ABI2: variants seen among roughly 807,000 people sequenced by gnomAD.
The protein encoded by ABI2 is abl interactor 2, also known as abelson interactor 2.
In ABI2, 25 loss-of-function variants were observed where a neutral mutation model predicts 59.2. That is an observed-to-expected ratio of 0.42 (90% confidence interval 0.31 to 0.59). The LOEUF (loss-of-function observed/expected upper bound fraction) is 0.59. Ranked by LOEUF, ABI2 falls within the 20% of genes least tolerant of loss-of-function variation. The pLI, the probability that ABI2 is intolerant of heterozygous loss-of-function variation, is 0.14. For synonymous variants in ABI2, 213 were observed against 235.5 expected, an observed-to-expected ratio of 0.90 and a Z score of 0.87; for missense variants, 545 against 681.8, an observed-to-expected ratio of 0.80 and a Z score of 2.23.
chr2:203,403,616 C>T (rs76788415), intron 9 of ABI2, among the ~76,000 whole-genome samples: 214 of 140,764 alleles, frequency 1.5e-3, no homozygotes, highest in African/African-American at 5.2e-3. Context: ...CTTAGAATCA[C>T]GTACAAAATA....
chr2:203,358,014 C>T (rs937003403), intron 1 of ABI2, among the ~76,000 whole-genome samples: 4 of 151,452 alleles, frequency 2.6e-5, no homozygotes, highest in Admixed American at 1.3e-4. Context: ...GTGATCCATC[C>T]GCCTCAGCCT....
At chr2:203,391,812 C>G (rs1313190496) in intron 5 of ABI2, among the ~76,000 whole-genome samples, 1 of 148,586 alleles carries the variant, frequency 6.7e-6, no homozygotes, top group Non-Finnish European at 1.5e-5. Context: ...CAGAGTGAGC[C>G]CCTGTCTCAA....
chr2:203,411,441 T>G, intron 10 of ABI2, 70 bp downstream of exon 10: 1 of 1,181,384 alleles, frequency 8.5e-7, no homozygotes, highest in Non-Finnish European at 1.2e-6. Flanking sequence ...TGTGATTGAC[T>G]GGATAGTCAT....
intron 2 of ABI2, chr2:203,375,805 A>G (rs2095640747): frequency 3.4e-6 from 1 of 296,804 alleles, no homozygotes; most frequent in Non-Finnish European, 6.2e-6. Context: ...AAACCTTAGA[A>G]TCTTCTGGAC....
intron 8 of ABI2, among the ~76,000 whole-genome samples, chr2:203,401,178 T>C (rs2097203142): frequency 1.3e-5 from 2 of 152,162 alleles, no homozygotes; most frequent in South Asian, 4.2e-4. Flanking sequence ...TGGCTTCCTG[T>C]TGGGTTTAGC....
chr2:203,383,543 T>G (rs947314295), intron 4 of ABI2, among the ~76,000 whole-genome samples: 1 of 152,186 alleles, frequency 6.6e-6, no homozygotes, highest in African/African-American at 2.4e-5. Context: ...CCTTAAAGTT[T>G]AGACTAGCTT....
rs1055968422 is a variant in ABI2, at chr2:203,432,142, T to C, written c.*4790T>C. On this transcript the variant is annotated 3_prime_UTR_variant, in exon 12 of 12. Transcript: ENST00000261018. Reference sequence around the variant, plus strand: ...GAATTGTTGCCGTGTACTAAGAACTTGACCTAAATAAAATCCCACAAAGTA... The same window carrying C: ...GAATTGTTGCCGTGTACTAAGAACTCGACCTAAATAAAATCCCACAAAGTA... The C allele has an allele frequency of 6.6e-6, 1 of 152,230 alleles. No individual in the cohort carries two copies. The highest frequency in any genetic ancestry group is 2.4e-5 in the African/African-American group (1 of 41,460). The allele number at this position is 152,230 out of a possible 1,614,324, so 9.4% of individuals were successfully genotyped here.
intron 10 of ABI2, among the ~76,000 whole-genome samples, chr2:203,414,735 A>G (rs2097824252): frequency 6.6e-6 from 1 of 152,206 alleles, no homozygotes; most frequent in Non-Finnish European, 1.5e-5. Context: ...ATCCCATCCC[A>G]TAATAGTGTA....
intron 11 of ABI2, among the ~76,000 whole-genome samples, chr2:203,422,206 G>A (rs1233325541): frequency 6.6e-6 from 1 of 152,106 alleles, no homozygotes; most frequent in African/African-American, 2.4e-5. Context: ...GCTGAGGTGG[G>A]AGCATCACCT....
At chr2:203,399,903 A>C (rs191342198) in intron 8 of ABI2, among the ~76,000 whole-genome samples, 1 of 152,246 alleles carries the variant, frequency 6.6e-6, no homozygotes, top group East Asian at 1.9e-4. Flanking sequence ...TTTTAAATGA[A>C]TCGTGCTTTG....
At position 203,368,984 on chromosome 2, in the gene ABI2, A is replaced by AATTTTTTTTTTTTTTT. The variant is rs1312712237; in HGVS notation, c.285+1940_285+1941insATTTTTTTTTTTTTTT. ...TACAGGCACGTGCCATGCTTGGCTGATTTTTTTTTTTTTTTTTTTTTTTTT... is the reference window on the plus strand; with the variant it reads ...TACAGGCACGTGCCATGCTTGGCTGAATTTTTTTTTTTTTTTTTTTTTTTTTTTTTTTTTTTTTTTT... On this transcript the variant is annotated intron_variant, in intron 2 of 11. Transcript: ENST00000261018. Among the ~76,000 whole-genome samples, 8 of 91,118 alleles carry AATTTTTTTTTTTTTTT rather than the reference A, an allele frequency of 8.8e-5. 4 individuals carry two copies. The highest frequency in any genetic ancestry group is 8.9e-5 in the African/African-American group (2 of 22,452). The allele number at this position is 91,118 out of a possible 152,430, so 59.8% of individuals were successfully genotyped here.
At position 203,413,938 on chromosome 2, in the gene ABI2, T is replaced by C. The variant is rs1008358722; in HGVS notation, c.1279+2567T>C. On this transcript the variant is annotated intron_variant, in intron 10 of 11. Transcript: ENST00000261018. The stretch of plus-strand genomic sequence containing the variant: ...AAGAAGTACAGCTATGACCCTGTTA[T>C]TCCCCTTAAAATCTTTCTGTGGCTC... Among the ~76,000 whole-genome samples the C allele has an allele frequency of 3.9e-5, 6 of 152,162 alleles. No homozygotes were observed. The East Asian group carries it at 9.6e-4, about 24-fold the overall frequency.
chr2:203,338,971 T>TATATAA (rs2078108900), intron 1 of ABI2, among the ~76,000 whole-genome samples: 1 of 9,984 alleles, frequency 1.0e-4, no homozygotes, highest in Admixed American at 1.5e-3. Flanking sequence ...TAAATATATA[T>TATATAA]ATATATATAT....
At position 203,328,496 on chromosome 2, in the gene ABI2, G is replaced by C. The variant is rs1393121102; in HGVS notation, c.-19G>C. 1.3e-6 allele frequency: 2 copies of C among 1,583,842 alleles called. No individual in the cohort carries two copies. The highest frequency in any genetic ancestry group is 2.7e-5 in the African/African-American group (2 of 73,428). ...CCCTCTGCGACCTGTATGAGGAGGA[G>C]GAGGAGGAGGATGTGAAGATGGCGG... On this transcript the variant is annotated 5_prime_UTR_variant, in exon 1 of 12. Coordinates refer to ENST00000261018, the MANE Select transcript of ABI2 (RefSeq NM_001375670.1).
intron 1 of ABI2, among the ~76,000 whole-genome samples, chr2:203,331,419 C>A (rs775680986): frequency 1.6e-5 from 2 of 126,920 alleles, no homozygotes; most frequent in Non-Finnish European, 3.2e-5. Flanking sequence ...GTGGCGCGAT[C>A]TCGATCTCTG....
intron 1 of ABI2, among the ~76,000 whole-genome samples, chr2:203,330,292 A>G (rs1188443874): frequency 6.6e-6 from 1 of 152,148 alleles, no homozygotes; most frequent in Non-Finnish European, 1.5e-5. Flanking sequence ...GATTAATACA[A>G]AAAAATACAA....
intron 2 of ABI2, among the ~76,000 whole-genome samples, chr2:203,368,207 C>G (rs923277785): frequency 6.6e-6 from 1 of 151,716 alleles, no homozygotes; most frequent in Non-Finnish European, 1.5e-5. Context: ...TATTTTGGGG[C>G]CATTTAAAAT....
intron 5 of ABI2, chr2:203,394,452 G>A (rs1448280681): frequency 2.2e-6 from 1 of 451,164 alleles, no homozygotes; most frequent in East Asian, 4.0e-5. Flanking sequence ...TGTGCTCTTT[G>A]AGAATAAATG....
chr2:203,372,613 C>G (rs1360810278), intron 2 of ABI2, among the ~76,000 whole-genome samples: 1 of 149,050 alleles, frequency 6.7e-6, no homozygotes, highest in Non-Finnish European at 1.5e-5. Flanking sequence ...GGGACTGACT[C>G]CCCCACCTCC....
Sources: gnomAD v4.1 joint callset for allele counts (sites outside exome capture counted in the v4.1 genomes callset) on GRCh38, gnomAD v4.1.1 for gene constraint, MANE v1.5 for transcripts, NCBI Gene and HGNC (gene_info 2026-07-23, HGNC 2026-07-21) for gene names.